Variants in DLG1 observed in about 807,000 individuals in gnomAD.
DLG1 encodes discs large MAGUK scaffold protein 1.
A neutral mutation model predicts 123.4 loss-of-function variants in DLG1; 42 were observed. The observed-to-expected ratio is 0.34, with a 90% CI of 0.27 to 0.44. The LOEUF is 0.44. Ranked by LOEUF, DLG1 falls within the 20% of genes least tolerant of loss-of-function variation. DLG1 has a pLI of 1.00. For synonymous variants in DLG1, 317 were observed against 356.2 expected, an observed-to-expected ratio of 0.89 and a Z score of 1.24; for missense variants, 942 against 1,082.6, an observed-to-expected ratio of 0.87 and a Z score of 1.82.
At position 197,284,214 on chromosome 3, in the gene DLG1, G is replaced by A. The variant is rs545067759; in HGVS notation, c.152-1369C>T. Among the ~76,000 whole-genome samples the A allele has an allele frequency of 1.4e-3, 209 of 152,068 alleles. 2 individuals carry two copies. In the Middle Eastern group the frequency reaches 0.068, roughly 49 times the overall value. On this transcript the variant is annotated intron_variant, in intron 3 of 24. Coordinates refer to ENST00000667157, the MANE Select transcript of DLG1 (RefSeq NM_001366207.1). ...TGCAAAACTTTCCAAGTAAAGGGCT[G>A]GTAAAAACTAACACTTGTACAGTGA...
At chr3:197,275,513 AATAG>A (rs1305405898) in intron 4 of DLG1, among the ~76,000 whole-genome samples, 2 of 152,228 alleles carry the variant, frequency 1.3e-5, no homozygotes, top group Admixed American at 6.5e-5. Flanking sequence ...TCAACAGACG[AATAG>A]ATAAATAAAA....
intron 5 of DLG1, among the ~76,000 whole-genome samples, chr3:197,188,949 C>A (rs1717681785): frequency 6.6e-6 from 1 of 152,214 alleles, no homozygotes; most frequent in Non-Finnish European, 1.5e-5. Context: ...TGCTCCAAAT[C>A]TATTACACCC....
chr3:197,198,883 T>C (rs936822493), intron 4 of DLG1, among the ~76,000 whole-genome samples: 2 of 152,170 alleles, frequency 1.3e-5, no homozygotes, highest in African/African-American at 2.4e-5. Flanking sequence ...AAAGGTTACA[T>C]GAAGTATCTT....
chr3:197,081,208 C>T (rs1422377624), intron 16 of DLG1, 91 bp from the exon 17 acceptor site: 3 of 1,158,154 alleles, frequency 2.6e-6, no homozygotes, highest in African/African-American at 3.1e-5. Flanking sequence ...TTATAATGGG[C>T]ATTTTTATAC....
chr3:197,246,078 A>G (rs1455954946), intron 4 of DLG1, among the ~76,000 whole-genome samples: 1 of 152,100 alleles, frequency 6.6e-6, no homozygotes, highest in Non-Finnish European at 1.5e-5. Flanking sequence ...TTGATTTTGT[A>G]AATGTTCTAA....
chr3:197,119,571 C>T (rs769730661), intron 11 of DLG1, 41 bp from the exon 12 acceptor site: 3 of 1,553,608 alleles, frequency 1.9e-6, no homozygotes, highest in Middle Eastern at 1.7e-4. Flanking sequence ...AAACACGAAA[C>T]AAGCCAATCA....
intron 15 of DLG1, among the ~76,000 whole-genome samples, chr3:197,089,433 G>C (rs959767661): frequency 6.6e-6 from 1 of 151,610 alleles, no homozygotes; most frequent in Non-Finnish European, 1.5e-5. Flanking sequence ...GGGCTGAGGC[G>C]GAAGGATCCC....
intron 16 of DLG1, among the ~76,000 whole-genome samples, chr3:197,082,763 T>C (rs1012782966): frequency 6.6e-6 from 1 of 152,226 alleles, no homozygotes; most frequent in Non-Finnish European, 1.5e-5. Flanking sequence ...TAAGATTATA[T>C]TCTGCAATGC....
At chr3:197,220,293 A>G (rs2150496235) in intron 4 of DLG1, among the ~76,000 whole-genome samples, 1 of 152,284 alleles carries the variant, frequency 6.6e-6, no homozygotes. Flanking sequence ...TATTTAAACC[A>G]AGTGGTATTT....
intron 22 of DLG1, among the ~76,000 whole-genome samples, chr3:197,063,791 CA>C (rs1182048622): frequency 6.6e-6 from 1 of 152,104 alleles, no homozygotes; most frequent in Non-Finnish European, 1.5e-5. Context: ...AATACCCTTC[CA>C]AAAGGCAGTA....
intron 16 of DLG1, among the ~76,000 whole-genome samples, chr3:197,084,371 G>C (rs1213707464): frequency 6.6e-6 from 1 of 151,434 alleles, no homozygotes; most frequent in African/African-American, 2.4e-5. Context: ...GAGTGCAGTG[G>C]TGCAATTTCA....
intron 4 of DLG1, among the ~76,000 whole-genome samples, chr3:197,242,628 A>G (rs892782705): frequency 2.0e-5 from 3 of 152,140 alleles, no homozygotes; most frequent in Non-Finnish European, 4.4e-5. Context: ...TATCAATAAA[A>G]AGAACCTCAA....
chr3:197,151,228 T>C (rs1324222402), intron 5 of DLG1, among the ~76,000 whole-genome samples: 2 of 152,140 alleles, frequency 1.3e-5, no homozygotes, highest in Non-Finnish European at 2.9e-5. Context: ...CAAGAAAGAA[T>C]AGGATATTTA....
At chr3:197,234,758 T>C (rs761614394) in intron 4 of DLG1, among the ~76,000 whole-genome samples, 8 of 152,130 alleles carry the variant, frequency 5.3e-5, no homozygotes, top group Non-Finnish European at 1.2e-4. Flanking sequence ...AAAATGTTAA[T>C]AGAGGTAAGA....
At chr3:197,229,158 C>G (rs1741523989) in intron 4 of DLG1, among the ~76,000 whole-genome samples, 1 of 151,894 alleles carries the variant, frequency 6.6e-6, no homozygotes. Flanking sequence ...ATGATCTAGC[C>G]CAAAAATCAA....
At chr3:197,122,836 G>A (rs796221873) in intron 11 of DLG1, among the ~76,000 whole-genome samples, 4 of 151,954 alleles carry the variant, frequency 2.6e-5, no homozygotes, top group Non-Finnish European at 4.4e-5. Flanking sequence ...TTCCTAAACC[G>A]ATCTGTAATG....
At chr3:197,271,619 T>C (rs775311541) in intron 4 of DLG1, among the ~76,000 whole-genome samples, 9 of 152,200 alleles carry the variant, frequency 5.9e-5, no homozygotes, top group Non-Finnish European at 1.0e-4. Context: ...ATGTATTTGA[T>C]TTATCTGCTT....
chr3:197,258,507 G>A (rs1468214478), intron 4 of DLG1, among the ~76,000 whole-genome samples: 1 of 152,150 alleles, frequency 6.6e-6, no homozygotes, highest in African/African-American at 2.4e-5. Flanking sequence ...GGGTATCCAT[G>A]GTAGCAATGA....
At chr3:197,182,148 G>A (rs994447250) in intron 5 of DLG1, among the ~76,000 whole-genome samples, 1 of 148,518 alleles carries the variant, frequency 6.7e-6, no homozygotes, top group African/African-American at 2.4e-5. Context: ...TATATAAAAA[G>A]TTCTAAAGAT....
Sources: allele counts gnomAD v4.1 joint callset (sites outside exome capture counted in the v4.1 genomes callset), GRCh38; gene constraint gnomAD v4.1.1; transcripts MANE v1.5; gene names NCBI Gene and HGNC (gene_info 2026-07-23, HGNC 2026-07-21).